The following CTNND2 variants were observed in gnomAD, a reference collection of about 807,000 sequenced individuals.
CTNND2 encodes the protein catenin delta-2.
CTNND2 carries 22 observed loss-of-function variants against 144.4 expected under a neutral mutation model. The observed-to-expected ratio is 0.15, with a 90% CI of 0.11 to 0.22. The LOEUF (loss-of-function observed/expected upper bound fraction) is 0.22, where lower values mean the gene tolerates loss of function less well. CTNND2 is among the 10% of genes least tolerant of loss of function. CTNND2 has a pLI of 1.00. For synonymous variants in CTNND2, 751 were observed against 695.6 expected (o/e 1.08, Z -1.25); for missense variants, 1,353 against 1,618.8 (o/e 0.84, Z 2.82).
intron 2 of CTNND2, among the ~76,000 whole-genome samples, chr5:11,725,874 A>G (rs999952966): frequency 9.9e-5 from 15 of 152,164 alleles, no homozygotes; most frequent in African/African-American, 3.4e-4. Context: ...TTTCTTGACT[A>G]TTCCTACTAT....
At chr5:11,468,208 A>G (rs1470808562) in intron 3 of CTNND2, among the ~76,000 whole-genome samples, 1 of 152,226 alleles carries the variant, frequency 6.6e-6, no homozygotes, top group Non-Finnish European at 1.5e-5. Flanking sequence ...CCTAGCCCAT[A>G]GAATAGGGAA....
At chr5:11,659,484 T>A (rs565431679) in intron 2 of CTNND2, among the ~76,000 whole-genome samples, 43 of 152,282 alleles carry the variant, frequency 2.8e-4, no homozygotes, top group Non-Finnish European at 6.2e-4. Context: ...ATCATTCTCT[T>A]GTCTGGTGCA....
intron 1 of CTNND2, among the ~76,000 whole-genome samples, chr5:11,858,856 G>A (rs1378289351): frequency 6.6e-6 from 1 of 152,202 alleles, no homozygotes; most frequent in Non-Finnish European, 1.5e-5. Flanking sequence ...GTGAACCTGG[G>A]AGGCGGAGCT....
In CTNND2 at chr5:11,397,090, G is replaced by A. The variant is rs766971877; in HGVS notation, c.553C>T (p.Pro185Ser). The change falls in exon 6 of 22, where the codon CCT becomes TCT. Residue 185 changes from proline to serine, a missense_variant. Physicochemically the swap from Pro to Ser is moderately conservative, Grantham distance 74. This residue lies in a region of CTNND2 where 708 missense variants were observed against 706.4 expected (regional missense o/e 1.00). Transcript: ENST00000304623. ...GTGCCTCGGGCCGGGAGCTGTGAAG[G>A]GGTGGTTTCCCCCAGGGCCAGGGTC... ...NQTLALGETTPSQLPARGTQA... is the reference protein window; with the variant it reads ...NQTLALGETTSSQLPARGTQA... 3 of 1,614,128 alleles carry A rather than the reference G, an allele frequency of 1.9e-6. No individual in the cohort carries two copies. The highest frequency in any genetic ancestry group is 1.1e-5 in the South Asian group (1 of 91,078).
chr5:11,470,954 GTATATATA>G lies in CTNND2; in HGVS notation c.288-58893_288-58886del, dbSNP rs71595821. On this transcript the variant is annotated intron_variant, in intron 3 of 21. Transcript: ENST00000304623. ...TACTTTAGCTATTATTTGATACAAA[GTATATATA>G]TATATATATATATATATATTTTTTT... Among the ~76,000 whole-genome samples the G allele has an allele frequency of 3.6e-4, 23 of 63,250 alleles. No homozygotes were observed. In the South Asian group the frequency reaches 7.1e-3, roughly 19 times the overall value. The allele number at this position is 63,250 out of a possible 152,430, so 41.5% of individuals were successfully genotyped here.
intron 21 of CTNND2, among the ~76,000 whole-genome samples, chr5:10,981,505 A>T (rs1386410667): frequency 6.6e-6 from 1 of 152,136 alleles, no homozygotes; most frequent in African/African-American, 2.4e-5. Context: ...TTTGCACCAT[A>T]GCAGAATACT....
chr5:11,812,390 C>T (rs1354394162), intron 1 of CTNND2, among the ~76,000 whole-genome samples: 1 of 152,158 alleles, frequency 6.6e-6, no homozygotes, highest in Non-Finnish European at 1.5e-5. Flanking sequence ...AGCCAGGAAA[C>T]CATCCTATGG....
intron 14 of CTNND2, among the ~76,000 whole-genome samples, chr5:11,105,128 G>C (rs1380287398): frequency 6.6e-6 from 1 of 152,114 alleles, no homozygotes; most frequent in African/African-American, 2.4e-5. Flanking sequence ...AACCAACTGG[G>C]GCATCACTGA....
Position 11,109,054 on chromosome 5 carries a change from C to T in CTNND2, c.2463+1804G>A, listed in dbSNP as rs6868269. 2.1e-3 allele frequency among the ~76,000 whole-genome samples: 317 copies of T among 152,226 alleles called. 2 individuals are homozygous for T. Among genetic ancestry groups the T allele is most frequent in the African/African-American group, 6.9e-3 (288 of 41,536 alleles). Reference sequence around the variant, plus strand: ...GCAGAGAGGGTCCTTCTGGGGGAGACGCGCCTTCTTGGCAGATGACATGCT... The same window carrying T: ...GCAGAGAGGGTCCTTCTGGGGGAGATGCGCCTTCTTGGCAGATGACATGCT... On this transcript the variant is annotated intron_variant, in intron 14 of 21. Transcript: ENST00000304623.
intron 16 of CTNND2, among the ~76,000 whole-genome samples, chr5:11,065,714 T>C (rs950752585): frequency 6.6e-6 from 1 of 152,218 alleles, no homozygotes; most frequent in African/African-American, 2.4e-5. Flanking sequence ...TATTTAATCC[T>C]ATATATCGTG....
intron 3 of CTNND2, among the ~76,000 whole-genome samples, chr5:11,492,145 A>T (rs1166221874): frequency 2.6e-5 from 4 of 152,206 alleles, no homozygotes; most frequent in Non-Finnish European, 5.9e-5. Flanking sequence ...TATGATGCTA[A>T]TAAACCACAC....
chr5:11,316,855 G>A (rs1751562343), intron 9 of CTNND2, among the ~76,000 whole-genome samples: 1 of 152,064 alleles, frequency 6.6e-6, no homozygotes, highest in Admixed American at 6.6e-5. Flanking sequence ...ATTCCATGGT[G>A]TATATGTGCC....
intron 9 of CTNND2, among the ~76,000 whole-genome samples, chr5:11,272,731 T>A (rs1746146695): frequency 6.6e-6 from 1 of 152,222 alleles, no homozygotes; most frequent in South Asian, 2.1e-4. Flanking sequence ...TCATTTGCAC[T>A]ACTTAGACTC....
chr5:11,118,861 G>A (rs1001270761), intron 12 of CTNND2, among the ~76,000 whole-genome samples: 1 of 152,198 alleles, frequency 6.6e-6, no homozygotes, highest in Admixed American at 6.5e-5. Flanking sequence ...AGGCCACACA[G>A]TAAGTGTGTC....
At chr5:11,535,288 C>T (rs1466308754) in intron 3 of CTNND2, among the ~76,000 whole-genome samples, 1 of 151,986 alleles carries the variant, frequency 6.6e-6, no homozygotes, top group Admixed American at 6.6e-5. Context: ...TCTCACTCTA[C>T]ACAAATATAC....
rs180892257 is a variant in CTNND2 at position 11,304,739 on chromosome 5, C to T, written c.1628+41633G>A. ...CCTTGTCCTGACACAACTGTGCTCT[C>T]GGCAGAGAGTCTGTTTCTTCCTGGC... On this transcript the variant is annotated intron_variant, in intron 9 of 21. Transcript: ENST00000304623. Among the ~76,000 whole-genome samples the T allele has an allele frequency of 5.8e-4, 89 of 152,256 alleles. No individual in the cohort carries two copies. The East Asian group carries it at 0.012, about 21-fold the overall frequency.
chr5:11,065,189 A>G (rs1426270302), intron 16 of CTNND2, among the ~76,000 whole-genome samples: 1 of 152,234 alleles, frequency 6.6e-6, no homozygotes, highest in Non-Finnish European at 1.5e-5. Flanking sequence ...GAAGGATTTT[A>G]TAACCTGATT....
At chr5:11,580,613 G>A (rs1195886288) in intron 2 of CTNND2, among the ~76,000 whole-genome samples, 2 of 152,154 alleles carry the variant, frequency 1.3e-5, no homozygotes, top group African/African-American at 4.8e-5. Flanking sequence ...AAGTCATTTA[G>A]TTCATCATCC....
Position 11,903,887 on chromosome 5 carries a change from G to A in CTNND2, c.-34C>T. 4 of 1,429,610 alleles carry A rather than the reference G, an allele frequency of 2.8e-6. No homozygotes were observed. In the African/African-American group the frequency reaches 6.0e-5, roughly 21 times the overall value. The allele number at this position is 1,429,610 out of a possible 1,614,324, so 88.6% of individuals were successfully genotyped here. On this transcript the variant is annotated 5_prime_UTR_variant, in exon 1 of 22. Coordinates refer to ENST00000304623, the MANE Select transcript of CTNND2 (RefSeq NM_001332.4). This position sits in a 1 kb window ranked among gnomAD's most constrained non-coding sequence, Gnocchi z 5.4. ...CGCCGGCGACAGCTCCTCAGTCCGG[G>A]AAGAGGCGTGCGCGGCGCCGCCCGG...
Sources: gnomAD v4.1 joint callset for allele counts (sites outside exome capture counted in the v4.1 genomes callset) on GRCh38, gnomAD v4.1.1 for gene constraint, gnomAD v4.1.1 regional missense constraint, Gnocchi (gnomAD v3.1) non-coding constraint, MANE v1.5 for transcripts, NCBI Gene and HGNC (gene_info 2026-07-23, HGNC 2026-07-21) for gene names.